Variants in CD2AP observed in about 807,000 individuals in gnomAD.
The protein encoded by CD2AP is CD2 associated protein, also known as CD2-associated protein.
Under a neutral mutation model 85.1 loss-of-function variants are expected in CD2AP, and 46 were observed. The observed-to-expected ratio is 0.54, with a 90% CI of 0.43 to 0.69. The LOEUF (loss-of-function observed/expected upper bound fraction) is 0.69, where lower values mean the gene tolerates loss of function less well. CD2AP is among the 30% of genes least tolerant of loss of function. The pLI, the probability that CD2AP is intolerant of heterozygous loss-of-function variation, is 0.00. For synonymous variants in CD2AP, 255 were observed against 252.9 expected, an observed-to-expected ratio of 1.01 and a Z score of -0.08; for missense variants, 769 against 729.5, an observed-to-expected ratio of 1.05 and a Z score of -0.62.
chr6:47,579,265 G>A (rs1768399567), intron 8 of CD2AP, 120 bp from the exon 9 acceptor site: 1 of 666,188 alleles, frequency 1.5e-6, no homozygotes, highest in Non-Finnish European at 2.7e-6. Context: ...AGCCCAGGAG[G>A]TTGAGGCTGC....
At chr6:47,542,025 C>T (rs1173288243) in intron 3 of CD2AP, among the ~76,000 whole-genome samples, 1 of 152,158 alleles carries the variant, frequency 6.6e-6, no homozygotes, top group Non-Finnish European at 1.5e-5. Context: ...GAATATCTGC[C>T]ACATCTGTCC....
rs770895414 is a variant in CD2AP at position 47,580,879 on chromosome 6, C to T, written c.1024C>T (p.Pro342Ser). Residue 342 changes from proline to serine, a missense_variant, in exon 10 of 18, where the codon CCA (proline) becomes TCA (serine). Transcript: ENST00000359314. ...ATTTTAACAGAAACCAAAGAAACCA[C>T]CACCTCCTGCTAAGGCTCCAGGTAT... ...DKDFPKPKKP[P>S]PPAKAPAPKP... is the part of the protein sequence containing the mutation. 3 of 1,608,550 alleles carry T rather than the reference C, an allele frequency of 1.9e-6. No homozygotes were observed. Among genetic ancestry groups the T allele is most frequent in the Admixed American group, 3.3e-5 (2 of 60,020 alleles).
At chr6:47,496,934 A>C (rs904434379) in intron 1 of CD2AP, among the ~76,000 whole-genome samples, 2 of 152,114 alleles carry the variant, frequency 1.3e-5, no homozygotes, top group African/African-American at 4.8e-5. Flanking sequence ...TGGACTTAGC[A>C]CTTTGTATGA....
chr6:47,621,808 T>C (rs936773703), intron 17 of CD2AP, among the ~76,000 whole-genome samples: 8 of 152,182 alleles, frequency 5.3e-5, no homozygotes, highest in Non-Finnish European at 1.0e-4. Context: ...CCATCTCTTC[T>C]AGGTTTTCTA....
intron 2 of CD2AP, among the ~76,000 whole-genome samples, chr6:47,532,551 A>G (rs1027038439): frequency 6.6e-6 from 1 of 151,010 alleles, no homozygotes; most frequent in Non-Finnish European, 1.5e-5. Flanking sequence ...ATCTTTCCTC[A>G]TTTTTTTCTG....
intron 1 of CD2AP, among the ~76,000 whole-genome samples, chr6:47,481,289 GTTTAT>G (rs1301755090): frequency 6.6e-6 from 1 of 152,088 alleles, no homozygotes; most frequent in Non-Finnish European, 1.5e-5. Context: ...GAACTTTTTA[GTTTAT>G]TTTATAGGCT....
Position 47,604,212 on chromosome 6 carries a change from GT to G in CD2AP, c.1418-1952del, listed in dbSNP as rs910593572. Among the ~76,000 whole-genome samples, 87 of 152,086 alleles carry G rather than the reference GT, an allele frequency of 5.7e-4. 3 individuals carry two copies. Among genetic ancestry groups the G allele is most frequent in the Non-Finnish European group, 1.5e-5 (1 of 67,994 alleles). ...GATTGTCGTGCCTGTTATGCCACGT[GT>G]ACAGTGTAAATCCATTGTTATCCCT... On this transcript the variant is annotated intron_variant, in intron 13 of 17. Coordinates refer to ENST00000359314, the MANE Select transcript of CD2AP (RefSeq NM_012120.3).
intron 17 of CD2AP, among the ~76,000 whole-genome samples, chr6:47,617,689 T>TA (rs1769628026): frequency 1.3e-5 from 2 of 152,226 alleles, no homozygotes; most frequent in Non-Finnish European, 2.9e-5. Flanking sequence ...TTCTGATGCT[T>TA]ACTATCTTCT....
intron 8 of CD2AP, 68 bp from the exon 9 acceptor site, chr6:47,579,317 A>T: frequency 1.1e-6 from 1 of 952,230 alleles, no homozygotes; most frequent in Non-Finnish European, 1.7e-6. Flanking sequence ...CCTGGCCAAC[A>T]GAGCAACACT....
intron 4 of CD2AP, among the ~76,000 whole-genome samples, chr6:47,546,265 C>G (rs1311394735): frequency 2.0e-5 from 3 of 151,990 alleles, no homozygotes; most frequent in Admixed American, 6.6e-5. Context: ...AACTTCAGAG[C>G]TTAAAGACAA....
rs1769321932 is a variant in CD2AP, at chr6:47,608,037, C to T, written c.1632+9C>T. The stretch of plus-strand genomic sequence containing the variant: ...CATGCTACTCTCCAAAGGTGAGGTG[C>T]ATTGTGGTCTAAGGTTTGTTGACTT... On this transcript the variant is annotated intron_variant, in intron 15 of 17. Transcript: ENST00000359314. The T allele has an allele frequency of 1.3e-6, 2 of 1,580,058 alleles. No homozygotes were observed. Among genetic ancestry groups the T allele is most frequent in the Non-Finnish European group, 1.7e-6 (2 of 1,149,472 alleles).
intron 13 of CD2AP, among the ~76,000 whole-genome samples, chr6:47,602,763 C>T (rs1163558396): frequency 6.6e-6 from 1 of 151,076 alleles, no homozygotes; most frequent in Non-Finnish European, 1.5e-5. Flanking sequence ...ATGGTGTGCA[C>T]CTGTAGTCCC....
At position 47,596,023 on chromosome 6, in the gene CD2AP, C is replaced by A; in HGVS notation, c.1271C>A (p.Ala424Asp). Residue 424 changes from alanine (A) to aspartate (D), a missense_variant, in exon 12 of 18, where the codon GCC (alanine) becomes GAC (aspartate). Ala to Asp is a moderately radical substitution (Grantham distance 126). Transcript: ENST00000359314. ...CCAGTTCCTCCACCACCTCCTATAGCCAAGTAAGTTTTACCTAATTTTAAA... is the reference window on the plus strand; with the variant it reads ...CCAGTTCCTCCACCACCTCCTATAGACAAGTAAGTTTTACCTAATTTTAAA... ...EKPVPPPPPI[A>D]KINGEVSSIS... 1 of 1,610,426 alleles carries A rather than the reference C, an allele frequency of 6.2e-7. No individual in the cohort carries two copies. The highest frequency in any genetic ancestry group is 1.3e-5 in the African/African-American group (1 of 74,906).
intron 5 of CD2AP, among the ~76,000 whole-genome samples, chr6:47,555,397 T>A (rs924037228): frequency 8.5e-5 from 13 of 152,188 alleles, no homozygotes; most frequent in African/African-American, 3.1e-4. Context: ...AGTGGAAATG[T>A]AGGGATAAGA....
intron 7 of CD2AP, 30 bp downstream of exon 7, chr6:47,576,632 G>T (rs1290843353): frequency 7.0e-7 from 1 of 1,427,652 alleles, no homozygotes; most frequent in East Asian, 2.3e-5. Context: ...TTTCATATTG[G>T]GAATAGTAGA....
At position 47,544,854 on chromosome 6, in the gene CD2AP, C is replaced by T. The variant is rs6916578; in HGVS notation, c.420+148C>T. 0.63 allele frequency: 387,396 copies of T among 614,590 alleles called. 125,639 individuals are homozygous for T. Among genetic ancestry groups the T allele is most frequent in the Middle Eastern group, 0.7 (1,610 of 2,316 alleles). The allele number at this position is 614,590 out of a possible 1,614,324, so 38.1% of individuals were successfully genotyped here. A position where few individuals can be genotyped will look rare whatever the true frequency, so the allele number is the denominator to read the frequency against. ...TATAGAGTTTCTTTACTCATCCTTG[C>T]TGTATTTATATATGTATTTGTATTT... On this transcript the variant is annotated intron_variant, in intron 4 of 17. Transcript: ENST00000359314.
At chr6:47,619,706 G>A (rs748991283) in intron 17 of CD2AP, among the ~76,000 whole-genome samples, 4 of 152,146 alleles carry the variant, frequency 2.6e-5, no homozygotes, top group African/African-American at 9.7e-5. Context: ...AGTGTTCCCT[G>A]ATCACCTCAT....
chr6:47,538,424 T>C (rs1450671468), intron 3 of CD2AP, among the ~76,000 whole-genome samples: 2 of 151,984 alleles, frequency 1.3e-5, no homozygotes, highest in Non-Finnish European at 1.5e-5. Context: ...GTATTTTTAG[T>C]AGAGACAGGG....
chr6:47,572,938 T>C (rs773530119), intron 5 of CD2AP, among the ~76,000 whole-genome samples: 24 of 152,228 alleles, frequency 1.6e-4, no homozygotes, highest in Non-Finnish European at 3.1e-4. Context: ...CAGACTACCT[T>C]AGTTCAGTGA....
Sources: allele counts gnomAD v4.1 joint callset (sites outside exome capture counted in the v4.1 genomes callset), GRCh38; gene constraint gnomAD v4.1.1; transcripts MANE v1.5; gene names NCBI Gene and HGNC (gene_info 2026-07-23, HGNC 2026-07-21).